Variants in ADAM7 observed in about 807,000 individuals in gnomAD.
ADAM7 encodes disintegrin and metalloproteinase domain-containing protein 7.
ADAM7 carries 97 observed loss-of-function variants against 102.9 expected under a neutral mutation model. That is an observed-to-expected ratio of 0.94 (90% CI 0.80 to 1.12). The LOEUF (loss-of-function observed/expected upper bound fraction) is 1.12. Ranked by LOEUF, ADAM7 falls within the 50% of genes most tolerant of loss-of-function variation. The pLI is 0.00. For synonymous variants in ADAM7, 334 were observed against 304.4 expected, an observed-to-expected ratio of 1.10 and a Z score of -1.01; for missense variants, 991 against 908.7, an observed-to-expected ratio of 1.09 and a Z score of -1.16.
At chr8:24,508,333 A>C (rs1400221426) in intron 21 of ADAM7, among the ~76,000 whole-genome samples, 1 of 152,240 alleles carries the variant, frequency 6.6e-6, no homozygotes, top group Non-Finnish European at 1.5e-5. Context: ...ATAATGGAAA[A>C]CAAAATTATT....
At chr8:24,459,944 C>G (rs1358029229) in intron 3 of ADAM7, among the ~76,000 whole-genome samples, 1 of 152,044 alleles carries the variant, frequency 6.6e-6, no homozygotes, top group African/African-American at 2.4e-5. Context: ...CTCAAGTCTT[C>G]ATTTAGATAC....
Position 24,493,151 on chromosome 8 carries a change from A to G in ADAM7, c.1764A>G (p.Lys588=). The change falls in exon 16 of 22, where the codon AAA becomes AAG. Residue 588 remains lysine, a synonymous_variant. Coordinates refer to ENST00000175238, the MANE Select transcript of ADAM7 (RefSeq NM_003817.4). The part of the protein sequence containing the change: ...LKDPQKNATV[K]CKTIFLYHDS... ...ATCCCCAGAAGAATGCTACTGTCAAATGCAAAACTATTTTTTTATACCATG... is the reference window on the plus strand; with the variant it reads ...ATCCCCAGAAGAATGCTACTGTCAAGTGCAAAACTATTTTTTTATACCATG... 6.2e-7 allele frequency: 1 copy of G among 1,613,490 alleles called. No homozygotes were observed.
chr8:24,503,984 C>T (rs1418694966), intron 20 of ADAM7, among the ~76,000 whole-genome samples: 5 of 151,204 alleles, frequency 3.3e-5, no homozygotes, highest in African/African-American at 7.3e-5. Context: ...ATGTAATAAA[C>T]CTGCACGTTC....
At chr8:24,479,358 C>A (rs1487470082) in intron 8 of ADAM7, among the ~76,000 whole-genome samples, 6 of 151,794 alleles carry the variant, frequency 4.0e-5, no homozygotes, top group Admixed American at 6.6e-5. Flanking sequence ...GAGTAGAAGG[C>A]TATTTTTGTT....
intron 2 of ADAM7, among the ~76,000 whole-genome samples, chr8:24,446,101 T>C (rs73547048): frequency 0.012 from 1,754 of 152,280 alleles, 26 homozygotes; most frequent in African/African-American, 0.039. Flanking sequence ...TAGTAGTCAT[T>C]GAATAAATGA....
intron 3 of ADAM7, among the ~76,000 whole-genome samples, chr8:24,460,167 T>A (rs2129379437): frequency 6.6e-6 from 1 of 152,266 alleles, no homozygotes; most frequent in East Asian, 1.9e-4. Flanking sequence ...TCCAGCCTTA[T>A]GTTTACTATA....
chr8:24,501,262 T>G (rs1820750189), intron 19 of ADAM7, among the ~76,000 whole-genome samples: 1 of 152,142 alleles, frequency 6.6e-6, no homozygotes. Flanking sequence ...TTCTGATTCT[T>G]CCCACATCAA....
chr8:24,492,293 A>G, intron 14 of ADAM7, 195 bp downstream of exon 14: 1 of 679,056 alleles, frequency 1.5e-6, no homozygotes, highest in Non-Finnish European at 2.4e-6. Flanking sequence ...TCAGTATATG[A>G]GCTATGTATA....
At position 24,476,487 on chromosome 8, in the gene ADAM7, G is replaced by A; in HGVS notation, c.688G>A (p.Val230Ile). The A allele has an allele frequency of 6.2e-7, 1 of 1,607,830 alleles. No individual in the cohort carries two copies. Among genetic ancestry groups the A allele is most frequent in the African/African-American group, 1.3e-5 (1 of 74,884 alleles). The change falls in exon 8 of 22, where the codon GTC becomes ATC. Residue 230 changes from valine to isoleucine, a missense_variant. Coordinates refer to ENST00000175238, the MANE Select transcript of ADAM7 (RefSeq NM_003817.4). ...NKLRNRIWGM[V>I]NFVNMIYKTL... ...ACTAAGGAACCGAATTTGGGGAATG[G>A]TCAATTTTGTCAACATGGTAAGATT...
chr8:24,453,604 C>G (rs997114586), intron 3 of ADAM7, among the ~76,000 whole-genome samples: 5 of 152,148 alleles, frequency 3.3e-5, no homozygotes, highest in African/African-American at 1.2e-4. Context: ...GAATTTCCTC[C>G]TGTAGCTCGG....
At chr8:24,481,497 T>G (rs1819950353) in intron 8 of ADAM7, among the ~76,000 whole-genome samples, 1 of 152,110 alleles carries the variant, frequency 6.6e-6, no homozygotes, top group African/African-American at 2.4e-5. Flanking sequence ...CTCTCAAAAT[T>G]CCCATAATAA....
Position 24,447,260 on chromosome 8 carries a change from C to T in ADAM7, c.231C>T (p.Ser77=). 1 of 1,506,026 alleles carries T rather than the reference C, an allele frequency of 6.6e-7. No individual in the cohort carries two copies. The highest frequency in any genetic ancestry group is 1.4e-5 in the African/African-American group (1 of 71,384). The allele number at this position is 1,506,026 out of a possible 1,614,324, so 93.3% of individuals were successfully genotyped here. A position where few individuals can be genotyped will look rare whatever the true frequency, so the allele number is the denominator to read the frequency against. The change falls in exon 3 of 22, where the codon TCC becomes TCT. Residue 77 remains serine (S), a splice_region_variant and synonymous_variant. Coordinates refer to ENST00000175238, the MANE Select transcript of ADAM7 (RefSeq NM_003817.4). The stretch of plus-strand genomic sequence containing the variant: ...CCTTAGTCCTTCATCTTCTAAGATC[C>T]AGGTAAGTTCTATTGTGATTCCAGT... ...RKTLVLHLLR[S]REFLGSNYSE...
intron 3 of ADAM7, among the ~76,000 whole-genome samples, chr8:24,453,164 A>G (rs1028480069): frequency 8.9e-4 from 135 of 152,004 alleles, no homozygotes; most frequent in African/African-American, 1.3e-3. Context: ...TCTTTGTGGC[A>G]TTCTCTGTAT....
intron 3 of ADAM7, among the ~76,000 whole-genome samples, chr8:24,459,624 T>C (rs1168151427): frequency 6.6e-6 from 1 of 151,996 alleles, no homozygotes; most frequent in Admixed American, 6.6e-5. Flanking sequence ...CCTGGCTAGT[T>C]TTTTAAAAAC....
At chr8:24,475,249 C>T (rs1819729684) in intron 7 of ADAM7, among the ~76,000 whole-genome samples, 1 of 152,124 alleles carries the variant, frequency 6.6e-6, no homozygotes, top group Non-Finnish European at 1.5e-5. Context: ...TCTTTGTGAT[C>T]CCTAAAATAG....
chr8:24,446,202 T>A, intron 2 of ADAM7, among the ~76,000 whole-genome samples: 1 of 151,974 alleles, frequency 6.6e-6, no homozygotes. Context: ...CATGAAGAAA[T>A]AAAATACCAC....
chr8:24,452,372 TC>T (rs1188771390), intron 3 of ADAM7, among the ~76,000 whole-genome samples: 2 of 148,124 alleles, frequency 1.4e-5, no homozygotes, highest in Non-Finnish European at 3.0e-5. Flanking sequence ...AGTTAGCTCT[TC>T]TTGTTGAATT....
At chr8:24,500,120 G>A in intron 17 of ADAM7, 58 bp from the exon 18 acceptor site, 2 of 1,480,994 alleles carry the variant, frequency 1.4e-6, no homozygotes, top group Non-Finnish European at 1.8e-6. Context: ...AAGTAAGTGA[G>A]TTGCAGAACA....
intron 15 of ADAM7, 123 bp from the exon 16 acceptor site, chr8:24,492,920 A>G: frequency 1.0e-6 from 1 of 990,952 alleles, no homozygotes; most frequent in Non-Finnish European, 1.4e-6. Context: ...TGCCCATTAC[A>G]GCCTCCTTAA....
Sources: allele counts gnomAD v4.1 joint callset (sites outside exome capture counted in the v4.1 genomes callset), GRCh38; gene constraint gnomAD v4.1.1; transcripts MANE v1.5; gene names NCBI Gene and HGNC (gene_info 2026-07-23, HGNC 2026-07-21).